CAPN12: variants seen among roughly 807,000 people sequenced by gnomAD.
CAPN12 encodes the protein calpain 12, also known as calpain-12.
A neutral mutation model predicts 95.0 loss-of-function variants in CAPN12; 107 were observed. The observed-to-expected ratio is 1.13, with a 90% CI of 0.96 to 1.32. The LOEUF (loss-of-function observed/expected upper bound fraction) is 1.32. CAPN12 is among the 40% of genes most tolerant of loss of function. The pLI is 0.00. For missense variants in CAPN12, 1,136 were observed against 997.8 expected, an observed-to-expected ratio of 1.14 and a Z score of -1.87; for synonymous variants, 505 against 415.5, an observed-to-expected ratio of 1.22 and a Z score of -2.62.
chr19:38,734,948 C>A, intron 14 of CAPN12, 78 bp from the exon 15 acceptor site: 3 of 1,369,906 alleles, frequency 2.2e-6, no homozygotes, highest in Admixed American at 3.8e-5. Flanking sequence ...AGGGACACGG[C>A]AGGGGCTGAC....
rs540149775 is a variant in CAPN12 at position 38,737,533 on chromosome 19, G to A, written c.1071C>T (p.His357=). Residue 357 remains histidine, a synonymous_variant, in exon 9 of 21, where the codon CAC becomes CAT. Coordinates refer to ENST00000328867, the MANE Select transcript of CAPN12 (RefSeq NM_144691.4). ...PSPEGGGWHV[H]TFQGRWVRGF... ...CACGCACCCAGCGGCCTTGGAAGGTGTGGACGTGCCAGCCGCCCCCCTCCG... is the reference window on the plus strand; with the variant it reads ...CACGCACCCAGCGGCCTTGGAAGGTATGGACGTGCCAGCCGCCCCCCTCCG... 51 of 1,612,608 alleles carry A rather than the reference G, an allele frequency of 3.2e-5. No individual in the cohort carries two copies. The highest frequency in any genetic ancestry group is 1.7e-4 in the Middle Eastern group (1 of 6,058).
chr19:38,738,678 G>A, intron 5 of CAPN12, 30 bp from the exon 6 acceptor site: 6 of 1,610,158 alleles, frequency 3.7e-6, no homozygotes, highest in Non-Finnish European at 5.1e-6. Flanking sequence ...GTGAGGCCAA[G>A]GTAGGGGACA....
chr19:38,734,609 G>T, intron 15 of CAPN12: 1 of 649,640 alleles, frequency 1.5e-6, no homozygotes, highest in Non-Finnish European at 2.6e-6. Flanking sequence ...CCTTTCAGCG[G>T]AAGGGGAGCT....
In CAPN12 at chr19:38,733,931, G is replaced by A. The variant is rs1262495139; in HGVS notation, c.1879-150C>T. 8.7e-6 allele frequency: 7 copies of A among 802,758 alleles called. No homozygotes were observed. The East Asian group carries it at 1.9e-4, about 21-fold the overall frequency. 49.7% of individuals were successfully genotyped at this position (802,758 alleles called of 1,614,324 possible). ...AGCAGCCTAGCCACTTGGGACTTCT[G>A]TTTCCCAATCTGTAAAATGGGAATA... On this transcript the variant is annotated intron_variant, in intron 17 of 20. Transcript: ENST00000328867.
intron 10 of CAPN12, 28 bp from the exon 11 acceptor site, chr19:38,736,591 G>GGGGCAGGGGAGAGAGGGGCGTC: frequency 6.2e-7 from 1 of 1,601,800 alleles, no homozygotes; most frequent in Non-Finnish European, 8.5e-7. Flanking sequence ...AAGGGGCGTC[G>GGGGCAGGGGAGAGAGGGGCGTC]GGGCAGGGGA....
rs762366628 is a variant in CAPN12, at chr19:38,742,474, A to G, written c.362T>C (p.Leu121Pro). 1 of 1,613,856 alleles carries G rather than the reference A, an allele frequency of 6.2e-7. No homozygotes were observed. Among genetic ancestry groups the G allele is most frequent in the Non-Finnish European group, 8.5e-7 (1 of 1,179,874 alleles). ...CTGTCCAGGAGGGACCACCCGGCGCAGGAGCCGGGGATACAGAGTAAGGGA... is the reference window on the plus strand; with the variant it reads ...CTGTCCAGGAGGGACCACCCGGCGCGGGAGCCGGGGATACAGAGTAAGGGA... ...AASLTLYPRL[L>P]RRVVPPGQDF... is the part of the protein sequence containing the mutation. The change falls in exon 3 of 21, where the codon CTG becomes CCG. Residue 121 changes from leucine to proline, a missense_variant. By Grantham distance (98) the Leu-to-Pro change is moderately conservative (BLOSUM62 -3). Coordinates refer to ENST00000328867, the MANE Select transcript of CAPN12 (RefSeq NM_144691.4).
chr19:38,741,190 A>G (rs1200203334), intron 4 of CAPN12, among the ~76,000 whole-genome samples: 3 of 152,148 alleles, frequency 2.0e-5, no homozygotes, highest in African/African-American at 7.2e-5. Flanking sequence ...GGCCTGATAT[A>G]TGAGATTTCA....
rs192861881 is a variant in CAPN12 at position 38,732,229 on chromosome 19, A to G, written c.1958-1006T>C. 6.6e-3 allele frequency among the ~76,000 whole-genome samples: 994 copies of G among 151,130 alleles called. 15 individuals are homozygous for G. Among genetic ancestry groups the G allele is most frequent in the African/African-American group, 0.023 (958 of 41,164 alleles). On this transcript the variant is annotated intron_variant, in intron 18 of 20. Coordinates refer to ENST00000328867, the MANE Select transcript of CAPN12 (RefSeq NM_144691.4). Reference sequence around the variant, plus strand: ...ACCTGCTGTGAGTCCTTGCTCCCTCACCTCCACTCCTGTCTATCTCCGGCC... The same window carrying G: ...ACCTGCTGTGAGTCCTTGCTCCCTCGCCTCCACTCCTGTCTATCTCCGGCC...
Position 38,744,458 on chromosome 19 carries a change from C to T in CAPN12, c.-293G>A. 1 of 503,588 alleles carries T rather than the reference C, an allele frequency of 2.0e-6. No individual in the cohort carries two copies. The highest frequency in any genetic ancestry group is 2.1e-5 in the South Asian group (1 of 47,280). The allele number at this position is 503,588 out of a possible 1,614,324, so 31.2% of individuals were successfully genotyped here. On this transcript the variant is annotated 5_prime_UTR_variant, in exon 1 of 21. It adds an upstream start codon to the 5' untranslated region. Coordinates refer to ENST00000328867, the MANE Select transcript of CAPN12 (RefSeq NM_144691.4). Reference sequence around the variant, plus strand: ...AGGACCGGCTGCCGCTGTCAGAGCACCAAGAAGGAGGTCAGTGTGGGGGTG... The same window carrying T: ...AGGACCGGCTGCCGCTGTCAGAGCATCAAGAAGGAGGTCAGTGTGGGGGTG...
intron 17 of CAPN12, 81 bp from the exon 18 acceptor site, chr19:38,733,862 G>A (rs902341544): frequency 9.9e-6 from 12 of 1,214,658 alleles, no homozygotes; most frequent in Middle Eastern, 1.9e-4. Flanking sequence ...AAGACAGCCT[G>A]GTGCCCATCC....
chr19:38,742,059 C>G, intron 3 of CAPN12, 149 bp from the exon 4 acceptor site: 1 of 1,201,774 alleles, frequency 8.3e-7, no homozygotes, highest in Non-Finnish European at 1.2e-6. Flanking sequence ...GGTGCGGTGG[C>G]TCACATCTGT....
At chr19:38,743,805 C>G in intron 1 of CAPN12, 124 bp downstream of exon 1, 1 of 896,362 alleles carries the variant, frequency 1.1e-6, no homozygotes, top group Non-Finnish European at 1.7e-6. Flanking sequence ...GTCCAGGTCT[C>G]GAGCCCCTCC....
intron 10 of CAPN12, 162 bp from the exon 11 acceptor site, chr19:38,736,725 C>T (rs986613150): frequency 2.1e-5 from 18 of 857,216 alleles, no homozygotes; most frequent in South Asian, 1.5e-4. Flanking sequence ...AGGCCCTCGC[C>T]GACCCCTCCC....
Position 38,741,908 on chromosome 19 carries a change from G to C in CAPN12, c.429C>G (p.Leu143=). ...HGYAGVFHFQ[L]WQFGRWMDVV... Reference sequence around the variant, plus strand: ...CGTCCATCCAGCGGCCAAACTGCCAGAGCTGGTGGGAGAAGATGCAGGGCC... The same window carrying C: ...CGTCCATCCAGCGGCCAAACTGCCACAGCTGGTGGGAGAAGATGCAGGGCC... Residue 143 remains leucine (L), a splice_region_variant and synonymous_variant, in exon 4 of 21, where the codon CTC becomes CTG. Transcript: ENST00000328867. 6.2e-7 allele frequency: 1 copy of C among 1,613,732 alleles called. No individual in the cohort carries two copies. The highest frequency in any genetic ancestry group is 8.5e-7 in the Non-Finnish European group (1 of 1,179,962).
Position 38,731,230 on chromosome 19 carries a change from G to A in CAPN12, c.1958-7C>T, listed in dbSNP as rs1363731352. The A allele has an allele frequency of 6.2e-7, 1 of 1,611,026 alleles. No homozygotes were observed. The highest frequency in any genetic ancestry group is 1.1e-5 in the South Asian group (1 of 91,018). On this transcript the variant is annotated splice_region_variant and splice_polypyrimidine_tract_variant and intron_variant, in intron 18 of 20. Transcript: ENST00000328867. ...TGGTTGTTCAGGTGGAAGCCTAGGGGGAGGCTGCTTCTGAGCCCAGTGGCC... is the reference window on the plus strand; with the variant it reads ...TGGTTGTTCAGGTGGAAGCCTAGGGAGAGGCTGCTTCTGAGCCCAGTGGCC...
At position 38,742,418 on chromosome 19, in the gene CAPN12, G is replaced by A. The variant is rs764673591; in HGVS notation, c.418C>T (p.His140Tyr). 6.2e-7 allele frequency: 1 copy of A among 1,612,046 alleles called. No individual in the cohort carries two copies. The highest frequency in any genetic ancestry group is 8.5e-7 in the Non-Finnish European group (1 of 1,178,132). ...DFQHGYAGVF[H>Y]FQLWQFGRWM... Reference sequence around the variant, plus strand: ...GAGGAACTGAGCTGTACCTGGAAGTGGAAGACGCCTGCGTAGCCATGCTGG... The same window carrying A: ...GAGGAACTGAGCTGTACCTGGAAGTAGAAGACGCCTGCGTAGCCATGCTGG... The change falls in exon 3 of 21, where the codon CAC becomes TAC. Residue 140 changes from histidine (H) to tyrosine (Y), a missense_variant. Transcript: ENST00000328867.
chr19:38,736,433 C>G, intron 11 of CAPN12, 115 bp from the exon 12 acceptor site: 1 of 1,521,064 alleles, frequency 6.6e-7, no homozygotes, highest in Non-Finnish European at 8.9e-7. Flanking sequence ...CCCCTGCCCC[C>G]GGACCCGGCT....
chr19:38,730,547 C>CT lies in CAPN12; in HGVS notation c.*304dup, dbSNP rs1046000863. ...TTAAGAAGGATTCCTGCAGCATCAT[C>CT]TTTTTTTATTTCTCCTGTGTCTGTC... On this transcript the variant is annotated 3_prime_UTR_variant, in exon 21 of 21. Transcript: ENST00000328867. 2.6e-5 allele frequency: 12 copies of CT among 466,266 alleles called. No individual in the cohort carries two copies. Among genetic ancestry groups the CT allele is most frequent in the Middle Eastern group, 5.6e-4 (1 of 1,780 alleles). The allele number at this position is 466,266 out of a possible 1,614,324, so 28.9% of individuals were successfully genotyped here.
chr19:38,734,101 G>T, intron 17 of CAPN12, 41 bp downstream of exon 17: 1 of 1,607,676 alleles, frequency 6.2e-7, no homozygotes. Context: ...GTTAGTAAAG[G>T]TTTCTCTCTT....
Sources: gnomAD v4.1 joint callset for allele counts (sites outside exome capture counted in the v4.1 genomes callset) on GRCh38, gnomAD v4.1.1 for gene constraint, MANE v1.5 for transcripts, NCBI Gene and HGNC (gene_info 2026-07-23, HGNC 2026-07-21) for gene names.